The following SGCZ variants were observed in gnomAD, a reference collection of about 807,000 sequenced individuals.
The protein encoded by SGCZ is zeta-sarcoglycan.
In SGCZ, 40 loss-of-function variants were observed where a neutral mutation model predicts 41.3. The observed-to-expected ratio is 0.97, with a 90% CI of 0.75 to 1.26. The LOEUF is 1.26. SGCZ is among the 50% of genes most tolerant of loss of function. The pLI, the probability that SGCZ is intolerant of heterozygous loss-of-function variation, is 0.00. For synonymous variants in SGCZ, 206 were observed against 137.5 expected, an observed-to-expected ratio of 1.50 and a Z score of -3.49; for missense variants, 552 against 369.8, an observed-to-expected ratio of 1.49 and a Z score of -4.04.
chr8:14,745,338 G>C (rs561371197), intron 1 of SGCZ, among the ~76,000 whole-genome samples: 1 of 152,244 alleles, frequency 6.6e-6, no homozygotes, highest in East Asian at 1.9e-4. Flanking sequence ...GTCAACCTAA[G>C]TCTTTTGGAA....
chr8:14,344,335 A>T (rs28371135), intron 2 of SGCZ, among the ~76,000 whole-genome samples: 2,261 of 152,094 alleles, frequency 0.015, 57 homozygotes, highest in African/African-American at 0.051. Flanking sequence ...GGAACCAGGA[A>T]AAATACAAAA....
chr8:14,900,631 C>A (rs1798942437), intron 1 of SGCZ, among the ~76,000 whole-genome samples: 1 of 152,136 alleles, frequency 6.6e-6, no homozygotes, highest in African/African-American at 2.4e-5. Context: ...CAAGACCTGT[C>A]ATTATAGACT....
At chr8:14,509,186 A>C (rs1177336540) in intron 2 of SGCZ, among the ~76,000 whole-genome samples, 2 of 152,162 alleles carry the variant, frequency 1.3e-5, no homozygotes, top group African/African-American at 4.8e-5. Flanking sequence ...GTGGTCATAA[A>C]GCTTCTAAAC....
intron 1 of SGCZ, among the ~76,000 whole-genome samples, chr8:15,227,687 T>C (rs529065343): frequency 6.6e-6 from 1 of 152,356 alleles, no homozygotes; most frequent in South Asian, 2.1e-4. Flanking sequence ...TGTTCGTCAA[T>C]AAGACAACGG....
intron 4 of SGCZ, among the ~76,000 whole-genome samples, chr8:14,178,646 G>C (rs1265647077): frequency 6.6e-6 from 1 of 152,226 alleles, no homozygotes; most frequent in African/African-American, 2.4e-5. Context: ...ATGCCCATGT[G>C]TTTAAACTTC....
At chr8:14,927,116 T>G (rs1799779595) in intron 1 of SGCZ, among the ~76,000 whole-genome samples, 1 of 142,592 alleles carries the variant, frequency 7.0e-6, no homozygotes, top group African/African-American at 2.6e-5. Flanking sequence ...TTTTTTTTTT[T>G]TTTTTTTTGT....
At chr8:14,798,366 CTATT>C (rs1305942014) in intron 1 of SGCZ, among the ~76,000 whole-genome samples, 1 of 152,152 alleles carries the variant, frequency 6.6e-6, no homozygotes, top group Non-Finnish European at 1.5e-5. Flanking sequence ...AGTTCTAAAA[CTATT>C]TATCATAAAG....
intron 1 of SGCZ, among the ~76,000 whole-genome samples, chr8:14,803,461 G>T (rs765332536): frequency 6.6e-6 from 1 of 152,108 alleles, no homozygotes; most frequent in East Asian, 2.0e-4. Flanking sequence ...CAAAGAAAGG[G>T]GTGACAGACG....
At chr8:14,397,878 C>T (rs1798964335) in intron 2 of SGCZ, among the ~76,000 whole-genome samples, 1 of 152,142 alleles carries the variant, frequency 6.6e-6, no homozygotes, top group African/African-American at 2.4e-5. Flanking sequence ...ACTTAAGTTT[C>T]CTTCTTTCAT....
At chr8:15,055,585 ATGGGACTGAGAAGGCCAGAGCC>A (rs1244980841) in intron 1 of SGCZ, among the ~76,000 whole-genome samples, 1 of 152,150 alleles carries the variant, frequency 6.6e-6, no homozygotes, top group Non-Finnish European at 1.5e-5. Context: ...TATGGTTTTT[ATGGGACTGAGAAGGCCAGAGCC>A]TGGGACCCCC....
chr8:14,106,371 A>G (rs1326689422), intron 6 of SGCZ, among the ~76,000 whole-genome samples: 1 of 152,200 alleles, frequency 6.6e-6, no homozygotes, highest in Non-Finnish European at 1.5e-5. Flanking sequence ...ACTCCTCAGC[A>G]CTGCTGAATC....
intron 1 of SGCZ, among the ~76,000 whole-genome samples, chr8:14,975,155 G>A (rs974718328): frequency 6.6e-6 from 1 of 151,898 alleles, no homozygotes; most frequent in African/African-American, 2.4e-5. Context: ...AAATACAAAA[G>A]ATTAGCCAGG....
chr8:14,206,086 A>C (rs1030930362), intron 4 of SGCZ, among the ~76,000 whole-genome samples: 8 of 152,248 alleles, frequency 5.3e-5, no homozygotes, highest in African/African-American at 1.9e-4. Flanking sequence ...ACCATTTAAC[A>C]AAGCAAAAAA....
At chr8:14,433,134 GTTATTC>G (rs987555761) in intron 2 of SGCZ, among the ~76,000 whole-genome samples, 12 of 152,098 alleles carry the variant, frequency 7.9e-5, no homozygotes, top group African/African-American at 2.7e-4. Context: ...TAAAATTGCA[GTTATTC>G]TTATTACAAT....
chr8:14,535,345 A>G (rs1229604729), intron 2 of SGCZ, among the ~76,000 whole-genome samples: 1 of 151,902 alleles, frequency 6.6e-6, no homozygotes, highest in East Asian at 1.9e-4. Context: ...TTTCTCCTAA[A>G]AACTCTATGT....
intron 2 of SGCZ, among the ~76,000 whole-genome samples, chr8:14,464,392 C>A (rs1024950511): frequency 2.4e-4 from 36 of 151,278 alleles, no homozygotes; most frequent in Admixed American, 5.9e-4. Context: ...TTTTAGTTCA[C>A]AGTTGCATGT....
chr8:14,498,025 C>T (rs1052074212), intron 2 of SGCZ, among the ~76,000 whole-genome samples: 2 of 152,168 alleles, frequency 1.3e-5, no homozygotes, highest in African/African-American at 4.8e-5. Flanking sequence ...GGTGAAGATA[C>T]ATATCACATT....
chr8:14,947,717 A>G (rs1476384562), intron 1 of SGCZ, among the ~76,000 whole-genome samples: 1 of 152,234 alleles, frequency 6.6e-6, no homozygotes, highest in East Asian at 1.9e-4. Flanking sequence ...AAAGAAAAGC[A>G]TTAAATATGA....
intron 2 of SGCZ, among the ~76,000 whole-genome samples, chr8:14,530,397 ACT>A (rs1156750699): frequency 1.3e-5 from 2 of 151,984 alleles, no homozygotes; most frequent in African/African-American, 4.8e-5. Context: ...TGTCATGAAG[ACT>A]CTTATCTGTC....
Sources: allele counts gnomAD v4.1 joint callset (sites outside exome capture counted in the v4.1 genomes callset), GRCh38; gene constraint gnomAD v4.1.1; transcripts MANE v1.5; gene names NCBI Gene and HGNC (gene_info 2026-07-23, HGNC 2026-07-21).